Variants in PPP2R3A observed in about 807,000 individuals in gnomAD.
PPP2R3A encodes serine/threonine-protein phosphatase 2A regulatory subunit B'' subunit alpha.
PPP2R3A carries 80 observed loss-of-function variants against 106.9 expected under a neutral mutation model. That is an observed-to-expected ratio of 0.75 (90% CI 0.62 to 0.90). The LOEUF (loss-of-function observed/expected upper bound fraction) is 0.90, where lower values mean the gene tolerates loss of function less well. PPP2R3A is among the 40% of genes least tolerant of loss of function. PPP2R3A has a pLI of 0.00. For missense variants in PPP2R3A, 1,386 were observed against 1,350.4 expected (o/e 1.03, Z -0.41); for synonymous variants, 483 against 468.3 (o/e 1.03, Z -0.41).
intron 1 of PPP2R3A, among the ~76,000 whole-genome samples, chr3:135,992,705 A>G (rs1213522476): frequency 1.3e-5 from 2 of 152,196 alleles, no homozygotes; most frequent in African/African-American, 4.8e-5. Flanking sequence ...TCAGGAGAAA[A>G]TATTCCCCAT....
At chr3:135,973,948 C>A (rs1015958106) in intron 1 of PPP2R3A, among the ~76,000 whole-genome samples, 1 of 152,170 alleles carries the variant, frequency 6.6e-6, no homozygotes, top group Non-Finnish European at 1.5e-5. Context: ...TCTCTTGAGT[C>A]CACATTAATC....
intron 3 of PPP2R3A, among the ~76,000 whole-genome samples, chr3:136,028,154 C>T (rs1934734510): frequency 6.6e-6 from 1 of 152,196 alleles, no homozygotes; most frequent in African/African-American, 2.4e-5. Context: ...GAGTGGGCTT[C>T]CCCTCCTGCC....
rs1258405612 is a variant in PPP2R3A at position 136,146,152 on chromosome 3, G to C, written c.*986G>C. On this transcript the variant is annotated 3_prime_UTR_variant, in exon 14 of 14. Transcript: ENST00000264977. ...TACTACAGATATTTCATCCACCTCA[G>C]TATTTATCAAGGAAATGGAAAATGA... 6.6e-6 allele frequency: 1 copy of C among 152,044 alleles called. No individual in the cohort carries two copies. The highest frequency in any genetic ancestry group is 1.5e-5 in the Non-Finnish European group (1 of 68,028). 9.4% of individuals were successfully genotyped at this position (152,044 alleles called of 1,614,324 possible).
chr3:136,109,329 A>G (rs1257054139), intron 13 of PPP2R3A, among the ~76,000 whole-genome samples: 1 of 152,206 alleles, frequency 6.6e-6, no homozygotes, highest in Admixed American at 6.5e-5. Context: ...ATGCGGCATA[A>G]ACTAAAGATG....
chr3:136,022,831 A>T (rs1934512111), intron 2 of PPP2R3A: 1 of 1,291,218 alleles, frequency 7.7e-7, no homozygotes, highest in African/African-American at 1.5e-5. Context: ...TGTGTTTATA[A>T]CTTGAAAATT....
chr3:136,047,778 G>A (rs1215972600), intron 4 of PPP2R3A, among the ~76,000 whole-genome samples: 1 of 152,226 alleles, frequency 6.6e-6, no homozygotes, highest in Non-Finnish European at 1.5e-5. Context: ...GGTGGCGGGT[G>A]CCTGTAGTCC....
intron 13 of PPP2R3A, among the ~76,000 whole-genome samples, chr3:136,133,890 CAA>C (rs34515503): frequency 1.4e-4 from 8 of 55,418 alleles, no homozygotes; most frequent in Non-Finnish European, 2.5e-4. Flanking sequence ...AACTCCATCT[CAA>C]AAAAAAAAAA....
chr3:136,031,666 G>T (rs1014574086), intron 3 of PPP2R3A, among the ~76,000 whole-genome samples: 7 of 152,178 alleles, frequency 4.6e-5, no homozygotes, highest in Non-Finnish European at 1.0e-4. Flanking sequence ...AGTCCATCTT[G>T]AGTTGATTTT....
chr3:136,026,305 A>AT, intron 2 of PPP2R3A, among the ~76,000 whole-genome samples: 1 of 152,152 alleles, frequency 6.6e-6, no homozygotes. Context: ...CTTAACAAAG[A>AT]TTTTCTCAGC....
intron 6 of PPP2R3A, among the ~76,000 whole-genome samples, chr3:136,071,942 T>C (rs1480576449): frequency 6.6e-6 from 1 of 152,170 alleles, no homozygotes. Context: ...AGATATCTGC[T>C]CGGTTCCCTT....
chr3:136,089,861 G>A (rs1038581300), intron 9 of PPP2R3A, among the ~76,000 whole-genome samples: 5 of 151,942 alleles, frequency 3.3e-5, no homozygotes, highest in Admixed American at 1.3e-4. Flanking sequence ...TTTTGTGTGT[G>A]TGTGGCTATT....
rs1939090529 is a variant in PPP2R3A, at chr3:136,145,664, C to CTTCT, written c.*501_*504dup. The CTTCT allele has an allele frequency of 6.5e-6, 1 of 152,786 alleles. No individual in the cohort carries two copies. Among genetic ancestry groups the CTTCT allele is most frequent in the Non-Finnish European group, 1.5e-5 (1 of 68,178 alleles). 9.5% of individuals were successfully genotyped at this position (152,786 alleles called of 1,614,324 possible). ...AAGCACTGCCAAAACATCTCAGAGA[C>CTTCT]TTCTTTTATGTATACTGGAGTTCAA... On this transcript the variant is annotated 3_prime_UTR_variant, in exon 14 of 14. Coordinates refer to ENST00000264977, the MANE Select transcript of PPP2R3A (RefSeq NM_002718.5).
At chr3:135,992,386 T>C (rs1469996952) in intron 1 of PPP2R3A, among the ~76,000 whole-genome samples, 1 of 152,196 alleles carries the variant, frequency 6.6e-6, no homozygotes, top group East Asian at 1.9e-4. Flanking sequence ...GGCATGGACA[T>C]TCAATCAACT....
chr3:136,136,751 A>G (rs1011524905), intron 13 of PPP2R3A, among the ~76,000 whole-genome samples: 11 of 152,296 alleles, frequency 7.2e-5, no homozygotes, highest in African/African-American at 2.4e-4. Context: ...TGGCCCTCCA[A>G]AAACAACTTA....
intron 5 of PPP2R3A, among the ~76,000 whole-genome samples, chr3:136,054,385 G>A (rs13097176): frequency 0.62 from 94,072 of 151,180 alleles, 30,288 homozygotes; most frequent in African/African-American, 0.77. Context: ...CAGCCTCCCA[G>A]GTAGCTGGGA....
At chr3:136,113,299 G>A (rs1030679436) in intron 13 of PPP2R3A, among the ~76,000 whole-genome samples, 4 of 152,026 alleles carry the variant, frequency 2.6e-5, no homozygotes, top group Non-Finnish European at 1.5e-5. Flanking sequence ...AGATTATATG[G>A]AACACCAGTG....
chr3:136,005,302 C>CA (rs1350953135), intron 2 of PPP2R3A, among the ~76,000 whole-genome samples: 17 of 151,982 alleles, frequency 1.1e-4, no homozygotes, highest in Non-Finnish European at 2.5e-4. Context: ...TTCCAAAATC[C>CA]AAAAAAATTC....
At position 136,003,082 on chromosome 3, in the gene PPP2R3A, A is replaced by C; in HGVS notation, c.1584A>C (p.Arg528Ser). ...CACAGAAGATGGAGACCTCTCTAAG[A>C]GAGCCACTTGCGAAGGGTAAAAACT... ...SFSQKMETSL[R>S]EPLAKGKNSN... The change falls in exon 2 of 14, where the codon AGA (arginine) becomes AGC (serine). Residue 528 changes from arginine (R) to serine (S), a missense_variant. By Grantham distance (110) the Arg-to-Ser change is moderately radical. Transcript: ENST00000264977. The C allele has an allele frequency of 1.2e-6, 2 of 1,611,462 alleles. No individual in the cohort carries two copies. The highest frequency in any genetic ancestry group is 2.7e-5 in the African/African-American group (2 of 74,748).
At chr3:136,008,988 C>T (rs1933948640) in intron 2 of PPP2R3A, among the ~76,000 whole-genome samples, 2 of 152,198 alleles carry the variant, frequency 1.3e-5, no homozygotes, top group South Asian at 4.2e-4. Context: ...ACCCCACTTT[C>T]CTCCTCACAC....
Sources: gnomAD v4.1 joint callset for allele counts (sites outside exome capture counted in the v4.1 genomes callset) on GRCh38, gnomAD v4.1.1 for gene constraint, MANE v1.5 for transcripts, NCBI Gene and HGNC (gene_info 2026-07-23, HGNC 2026-07-21) for gene names.